Variants in TP53INP1 observed in about 807,000 individuals in gnomAD.
TP53INP1 encodes the protein tumor protein p53 inducible nuclear protein 1.
Under a neutral mutation model 21.0 loss-of-function variants are expected in TP53INP1, and 12 were observed. The observed-to-expected ratio is 0.57, with a 90% confidence interval of 0.37 to 0.93. The LOEUF (loss-of-function observed/expected upper bound fraction) is 0.93. Ranked by LOEUF, TP53INP1 falls within the 40% of genes least tolerant of loss-of-function variation. The pLI is 0.01. For missense variants in TP53INP1, 274 were observed against 294.7 expected (o/e 0.93, Z 0.51); for synonymous variants, 91 against 94.8 (o/e 0.96, Z 0.23).
chr8:94,947,003 A>G (rs778161414), intron 1 of TP53INP1, among the ~76,000 whole-genome samples: 21 of 152,148 alleles, frequency 1.4e-4, no homozygotes, highest in Non-Finnish European at 2.9e-4. Context: ...TAGAGCTACA[A>G]TTTACAGAAT....
In TP53INP1 at chr8:94,935,128, T is replaced by TATAGATAGATAGATAGATAG. The variant is rs56734843; in HGVS notation, c.474-4420_474-4401dup. ...GTAGGTAGGTACATAGGTAGATAGA[T>TATAGATAGATAGATAGATAG]ATAGATAGATAGATAGATAGATAGA... On this transcript the variant is annotated intron_variant, in intron 3 of 3. Coordinates refer to ENST00000342697, the MANE Select transcript of TP53INP1 (RefSeq NM_033285.4). Among the ~76,000 whole-genome samples the TATAGATAGATAGATAGATAG allele has an allele frequency of 3.1e-3, 453 of 144,746 alleles. 3 individuals carry two copies. Among genetic ancestry groups the TATAGATAGATAGATAGATAG allele is most frequent in the South Asian group, 5.4e-3 (24 of 4,420 alleles). The allele number at this position is 144,746 out of a possible 152,430, so 95.0% of individuals were successfully genotyped here.
At chr8:94,943,155 A>G (rs1431940850) in intron 1 of TP53INP1, among the ~76,000 whole-genome samples, 2 of 152,152 alleles carry the variant, frequency 1.3e-5, no homozygotes, top group Non-Finnish European at 2.9e-5. Flanking sequence ...AGGGGCATAG[A>G]TTTGGGAGCT....
At position 94,927,288 on chromosome 8, in the gene TP53INP1, G is replaced by A. The variant is rs1182090573; in HGVS notation, c.*3191C>T. On this transcript the variant is annotated 3_prime_UTR_variant, in exon 4 of 4. Coordinates refer to ENST00000342697, the MANE Select transcript of TP53INP1 (RefSeq NM_033285.4). ...AATATATAATGTATTTCATTGAGGA[G>A]GAAGAGAAGTAGCAAGGATTTCAAT... is the stretch of plus-strand genomic sequence containing the variant. 1.3e-5 allele frequency: 2 copies of A among 152,436 alleles called. No homozygotes were observed. The highest frequency in any genetic ancestry group is 4.8e-5 in the African/African-American group (2 of 41,414). 9.4% of individuals were successfully genotyped at this position (152,436 alleles called of 1,614,324 possible). A position where few individuals can be genotyped will look rare whatever the true frequency, so the allele number is the denominator to read the frequency against.
intron 1 of TP53INP1, among the ~76,000 whole-genome samples, chr8:94,947,569 T>C (rs922363104): frequency 3.3e-5 from 5 of 152,184 alleles, no homozygotes; most frequent in African/African-American, 1.2e-4. Context: ...AAAATGGATT[T>C]TGAACTGCAG....
Position 94,931,587 on chromosome 8 carries a change from T to TACACACACACAC in TP53INP1, c.474-871_474-860dup, listed in dbSNP as rs557721378. On this transcript the variant is annotated intron_variant, in intron 3 of 3. Coordinates refer to ENST00000342697, the MANE Select transcript of TP53INP1 (RefSeq NM_033285.4). ...CACTTGAGGAAACACACATATTTAT[T>TACACACACACAC]ACACACACACACACACACACACATA... Among the ~76,000 whole-genome samples the TACACACACACAC allele has an allele frequency of 5.1e-3, 350 of 68,628 alleles. 3 individuals are homozygous for TACACACACACAC. The highest frequency in any genetic ancestry group is 0.011 in the African/African-American group (338 of 29,704). The allele number at this position is 68,628 out of a possible 152,430, so 45.0% of individuals were successfully genotyped here. A position where few individuals can be genotyped will look rare whatever the true frequency, so the allele number is the denominator to read the frequency against.
intron 1 of TP53INP1, among the ~76,000 whole-genome samples, chr8:94,946,545 A>T (rs531457620): frequency 1.1e-3 from 174 of 151,790 alleles, no homozygotes; most frequent in Non-Finnish European, 4.0e-4. Context: ...TACAAAAAAT[A>T]AATTAGCTGG....
intron 3 of TP53INP1, among the ~76,000 whole-genome samples, chr8:94,931,288 C>T (rs897487412): frequency 5.3e-5 from 8 of 152,032 alleles, no homozygotes; most frequent in African/African-American, 1.7e-4. Context: ...TGCCATTTTT[C>T]TAGATAAAAA....
intron 1 of TP53INP1, among the ~76,000 whole-genome samples, chr8:94,946,243 G>T (rs1821977783): frequency 6.6e-6 from 1 of 152,026 alleles, no homozygotes; most frequent in Non-Finnish European, 1.5e-5. Context: ...GAGATGCTTT[G>T]TAGGCAGAGA....
At chr8:94,935,089 C>CA (rs1554630932) in intron 3 of TP53INP1, among the ~76,000 whole-genome samples, 1 of 149,836 alleles carries the variant, frequency 6.7e-6, no homozygotes, top group Non-Finnish European at 1.5e-5. Context: ...AAACAGGAAA[C>CA]GGTAGGTAGG....
intron 1 of TP53INP1, among the ~76,000 whole-genome samples, chr8:94,942,610 A>C (rs888312545): frequency 2.0e-5 from 3 of 152,354 alleles, no homozygotes; most frequent in African/African-American, 7.2e-5. Context: ...AGCACCTGTT[A>C]TGCATCAGGT....
Position 94,933,285 on chromosome 8 carries a change from A to G in TP53INP1, c.474-2557T>C, listed in dbSNP as rs575763006. Among the ~76,000 whole-genome samples the G allele has an allele frequency of 5.2e-4, 79 of 152,348 alleles. 1 individual carries two copies. Among genetic ancestry groups the G allele is most frequent in the Admixed American group, 9.8e-4 (15 of 15,306 alleles). On this transcript the variant is annotated intron_variant, in intron 3 of 3. Coordinates refer to ENST00000342697, the MANE Select transcript of TP53INP1 (RefSeq NM_033285.4). ...TGGAAAAGTATGTATTTGTTTTACT[A>G]TCCCTATATAACTATCATATATGAA...
chr8:94,941,201 A>C (rs1404160612), intron 1 of TP53INP1, 110 bp from the exon 2 acceptor site: 2 of 320,646 alleles, frequency 6.2e-6, no homozygotes, highest in East Asian at 5.0e-5. Flanking sequence ...CTTGGCCTAC[A>C]TTCTACAGCT....
At chr8:94,944,243 C>T (rs948041865) in intron 1 of TP53INP1, among the ~76,000 whole-genome samples, 26 of 152,202 alleles carry the variant, frequency 1.7e-4, no homozygotes, top group African/African-American at 6.3e-4. Context: ...TTTGCTTGTC[C>T]TGAACGAATG....
chr8:94,940,304 A>T (rs1821406043), intron 2 of TP53INP1, 84 bp from the exon 3 acceptor site: 6 of 1,453,218 alleles, frequency 4.1e-6, no homozygotes, highest in Admixed American at 2.3e-5. Context: ...CAGTCATTAT[A>T]AAGTCACCCA....
chr8:94,933,505 C>T (rs1258926880), intron 3 of TP53INP1, among the ~76,000 whole-genome samples: 1 of 152,046 alleles, frequency 6.6e-6, no homozygotes, highest in Non-Finnish European at 1.5e-5. Flanking sequence ...TGGCTCATAC[C>T]TGTAATCCCA....
Position 94,930,447 on chromosome 8 carries a change from C to T in TP53INP1, c.*32G>A, listed in dbSNP as rs1177354759. 1.9e-6 allele frequency: 3 copies of T among 1,612,050 alleles called. No individual in the cohort carries two copies. The highest frequency in any genetic ancestry group is 2.5e-6 in the Non-Finnish European group (3 of 1,178,388). On this transcript the variant is annotated 3_prime_UTR_variant, in exon 4 of 4. Coordinates refer to ENST00000342697, the MANE Select transcript of TP53INP1 (RefSeq NM_033285.4). ...CACATCCATACATGTAAGCACAAACCAAGAGAAACCAACCAACAAAACTTG... is the reference window on the plus strand; with the variant it reads ...CACATCCATACATGTAAGCACAAACTAAGAGAAACCAACCAACAAAACTTG...
chr8:94,939,598 A>G (rs934158049), intron 3 of TP53INP1: 24 of 410,200 alleles, frequency 5.9e-5, no homozygotes, highest in Middle Eastern at 7.2e-4. Flanking sequence ...GGGTTTCACC[A>G]TGTTGCCCAG....
chr8:94,930,425 A>C lies in TP53INP1; in HGVS notation c.*54T>G, dbSNP rs1242081142. 6 of 1,604,538 alleles carry C rather than the reference A, an allele frequency of 3.7e-6. No individual in the cohort carries two copies. The East Asian group carries it at 8.9e-5, about 24-fold the overall frequency. ...ACATTTTCACTGTACATATACACAC[A>C]TCCATACATGTAAGCACAAACCAAG... On this transcript the variant is annotated 3_prime_UTR_variant, in exon 4 of 4. Coordinates refer to ENST00000342697, the MANE Select transcript of TP53INP1 (RefSeq NM_033285.4).
At chr8:94,933,824 C>A in intron 3 of TP53INP1, among the ~76,000 whole-genome samples, 2 of 87,020 alleles carry the variant, frequency 2.3e-5, no homozygotes, top group Admixed American at 1.4e-4. Context: ...CCTGTAATCC[C>A]AGCACTTTGT....
Sources: allele counts gnomAD v4.1 joint callset (sites outside exome capture counted in the v4.1 genomes callset), GRCh38; gene constraint gnomAD v4.1.1; transcripts MANE v1.5; gene names NCBI Gene and HGNC (gene_info 2026-07-23, HGNC 2026-07-21).